SLC1A2: variants seen among roughly 807,000 people sequenced by gnomAD.
The protein encoded by SLC1A2 is solute carrier family 1 member 2.
In SLC1A2, 15 loss-of-function variants were observed where a neutral mutation model predicts 48.8. That is an observed-to-expected ratio of 0.31 (90% confidence interval 0.21 to 0.47). The LOEUF (loss-of-function observed/expected upper bound fraction) is 0.47. Among genes scored for constraint, SLC1A2 ranks in the 20% least tolerant of loss-of-function variants. The pLI is 0.99. For missense variants in SLC1A2, 502 were observed against 730.5 expected, an observed-to-expected ratio of 0.69 and a Z score of 3.61; for synonymous variants, 279 against 272.6, an observed-to-expected ratio of 1.02 and a Z score of -0.23.
rs115553406 is a variant in SLC1A2, at chr11:35,416,030, C to T, written c.17+2920G>A. Among the ~76,000 whole-genome samples the T allele has an allele frequency of 6.3e-3, 954 of 152,312 alleles. 12 individuals carry two copies. Among genetic ancestry groups the T allele is most frequent in the African/African-American group, 0.022 (907 of 41,554 alleles). On this transcript the variant is annotated intron_variant, in intron 1 of 10. Transcript: ENST00000278379. ...GGGACTCAGAAAAAAGAATGCTCAA[C>T]TATTAAATTAGACCTTGCTTTGCAG... is the stretch of plus-strand genomic sequence containing the variant.
chr11:35,345,490 G>A (rs543424048), intron 1 of SLC1A2, among the ~76,000 whole-genome samples: 18 of 152,242 alleles, frequency 1.2e-4, no homozygotes, highest in Middle Eastern at 3.4e-3. Context: ...CTCACTGGGC[G>A]CCAATAATTG....
intron 1 of SLC1A2, among the ~76,000 whole-genome samples, chr11:35,383,190 TAAA>T (rs1854485558): frequency 1.3e-5 from 2 of 152,120 alleles, no homozygotes; most frequent in Admixed American, 1.3e-4. Flanking sequence ...GGCATAATCC[TAAA>T]AGAAAAAAGC....
At chr11:35,409,729 T>C (rs1855403089) in intron 1 of SLC1A2, among the ~76,000 whole-genome samples, 2 of 152,012 alleles carry the variant, frequency 1.3e-5, no homozygotes, top group Admixed American at 1.3e-4. Context: ...GCCAATATGG[T>C]GAAATCCTAT....
intron 1 of SLC1A2, among the ~76,000 whole-genome samples, chr11:35,394,760 G>A (rs1854899792): frequency 6.6e-6 from 1 of 152,206 alleles, no homozygotes; most frequent in Non-Finnish European, 1.5e-5. Context: ...ACTGGGTGCT[G>A]AGTCCCATTT....
chr11:35,420,420 C>T (rs1011815765), upstream of SLC1A2: 1 of 152,296 alleles, frequency 6.6e-6, no homozygotes, highest in Non-Finnish European at 1.5e-5. Context: ...ACTTGCCGAC[C>T]CTGTGAGCGC....
At position 35,257,305 on chromosome 11, in the gene SLC1A2, A is replaced by G. The variant is rs1172246095; in HGVS notation, c.*3589T>C. On this transcript the variant is annotated 3_prime_UTR_variant, in exon 11 of 11. Transcript: ENST00000278379. ...CATATTCCATGAGTCTAAATCCAGG[A>G]GCTAGGCATTTTGGCACCCCTTCTT... 1 of 152,216 alleles carries G rather than the reference A, an allele frequency of 6.6e-6. No homozygotes were observed. Among genetic ancestry groups the G allele is most frequent in the Non-Finnish European group, 1.5e-5 (1 of 68,036 alleles). The allele number at this position is 152,216 out of a possible 1,614,324, so 9.4% of individuals were successfully genotyped here. A position where few individuals can be genotyped will look rare whatever the true frequency, so the allele number is the denominator to read the frequency against.
intron 10 of SLC1A2, chr11:35,265,112 T>A (rs1228919052): frequency 5.7e-6 from 1 of 176,624 alleles, no homozygotes; most frequent in African/African-American, 2.4e-5. Flanking sequence ...CCTGGCTAAT[T>A]TTTTGTATTT....
intron 1 of SLC1A2, among the ~76,000 whole-genome samples, chr11:35,325,869 C>T (rs946297084): frequency 3.4e-5 from 5 of 147,650 alleles, no homozygotes; most frequent in Non-Finnish European, 5.9e-5. Context: ...GAGGCTGAGG[C>T]AGAAGAATCA....
intron 1 of SLC1A2, among the ~76,000 whole-genome samples, chr11:35,408,286 C>T (rs1214936806): frequency 6.6e-6 from 1 of 152,222 alleles, no homozygotes; most frequent in African/African-American, 2.4e-5. Context: ...CTCAGTGCCT[C>T]ATCCCCCTTG....
intron 1 of SLC1A2, among the ~76,000 whole-genome samples, chr11:35,330,060 C>T (rs535571372): frequency 1.1e-4 from 17 of 152,328 alleles, no homozygotes; most frequent in Admixed American, 7.8e-4. Context: ...GGCAACCCAG[C>T]TTGGCCTGAA....
At chr11:35,325,817 A>G (rs974777551) in intron 1 of SLC1A2, among the ~76,000 whole-genome samples, 5 of 151,974 alleles carry the variant, frequency 3.3e-5, no homozygotes, top group African/African-American at 7.3e-5. Context: ...ACAAAAAATT[A>G]GCTGGGTATG....
At chr11:35,365,890 C>A (rs1853831357) in intron 1 of SLC1A2, among the ~76,000 whole-genome samples, 1 of 152,166 alleles carries the variant, frequency 6.6e-6, no homozygotes, top group South Asian at 2.1e-4. Flanking sequence ...GTGGCAACAC[C>A]TGGAGACATG....
At chr11:35,261,334 G>T (rs993389787) in intron 10 of SLC1A2, among the ~76,000 whole-genome samples, 16 of 152,174 alleles carry the variant, frequency 1.1e-4, no homozygotes, top group Non-Finnish European at 2.1e-4. Context: ...AAGAAATCCA[G>T]AACTAGGTAT....
intron 7 of SLC1A2, chr11:35,291,412 C>A (rs1368364124): frequency 6.6e-6 from 1 of 152,050 alleles, no homozygotes; most frequent in African/African-American, 2.4e-5. Flanking sequence ...TAGGCGCCCC[C>A]CACCGCACCT....
At chr11:35,266,146 A>T (rs1204988101) in intron 9 of SLC1A2, among the ~76,000 whole-genome samples, 1 of 152,134 alleles carries the variant, frequency 6.6e-6, no homozygotes, top group Non-Finnish European at 1.5e-5. Context: ...GAGTACAGCA[A>T]CCCCTCCTGA....
intron 1 of SLC1A2, chr11:35,418,454 A>G: frequency 6.4e-6 from 1 of 155,940 alleles, no homozygotes; most frequent in Non-Finnish European, 1.4e-5. Context: ...GAGCGGGCCC[A>G]GCATCTCCAT....
At chr11:35,263,039 T>C (rs544183469) in intron 10 of SLC1A2, among the ~76,000 whole-genome samples, 8 of 152,322 alleles carry the variant, frequency 5.3e-5, no homozygotes, top group Non-Finnish European at 1.2e-4. Context: ...CCCTACAACA[T>C]GCCAGACACT....
Position 35,388,095 on chromosome 11 carries a change from C to A in SLC1A2, c.17+30855G>T, listed in dbSNP as rs114515449. 5.8e-3 allele frequency among the ~76,000 whole-genome samples: 882 copies of A among 152,238 alleles called. 13 individuals are homozygous for A. Among genetic ancestry groups the A allele is most frequent in the African/African-American group, 0.02 (836 of 41,512 alleles). On this transcript the variant is annotated intron_variant, in intron 1 of 10. Transcript: ENST00000278379. The stretch of plus-strand genomic sequence containing the variant: ...AATTTATACCCAAGTCTGCCTGAAT[C>A]CAAAGACTGTGTTCATTCTACGTAT...
At chr11:35,402,549 G>A (rs567065030) in intron 1 of SLC1A2, among the ~76,000 whole-genome samples, 1 of 152,136 alleles carries the variant, frequency 6.6e-6, no homozygotes, top group Non-Finnish European at 1.5e-5. Context: ...ATGTTTCCTT[G>A]TGTTCTGTAA....
Sources: gnomAD v4.1 joint callset for allele counts (sites outside exome capture counted in the v4.1 genomes callset) on GRCh38, gnomAD v4.1.1 for gene constraint, MANE v1.5 for transcripts, NCBI Gene and HGNC (gene_info 2026-07-23, HGNC 2026-07-21) for gene names.